The following ITGBL1 variants were observed in gnomAD, a reference collection of about 807,000 sequenced individuals.
ITGBL1 encodes integrin beta-like protein 1.
Under a neutral mutation model 68.5 loss-of-function variants are expected in ITGBL1, and 51 were observed. The observed-to-expected ratio is 0.74, with a 90% CI of 0.59 to 0.94. The LOEUF is 0.94. ITGBL1 is among the 40% of genes least tolerant of loss of function. ITGBL1 has a pLI of 0.00. For missense variants in ITGBL1, 649 were observed against 647.4 expected, an observed-to-expected ratio of 1.00 and a Z score of -0.03; for synonymous variants, 209 against 227.3, an observed-to-expected ratio of 0.92 and a Z score of 0.72.
chr13:101,503,590 C>T (rs1241895356), intron 2 of ITGBL1, among the ~76,000 whole-genome samples: 1 of 152,122 alleles, frequency 6.6e-6, no homozygotes, highest in South Asian at 2.1e-4. Context: ...CTAGTGGGCA[C>T]CCCTGAAATG....
At chr13:101,577,061 G>A (rs1442178672) in intron 4 of ITGBL1, among the ~76,000 whole-genome samples, 2 of 152,030 alleles carry the variant, frequency 1.3e-5, no homozygotes, top group African/African-American at 4.8e-5. Context: ...AATGTAACTT[G>A]AAACAACACA....
intron 2 of ITGBL1, among the ~76,000 whole-genome samples, chr13:101,471,170 T>C (rs772486121): frequency 3.8e-4 from 58 of 152,296 alleles, no homozygotes; most frequent in Middle Eastern, 3.4e-3. Flanking sequence ...GGGAGAATGC[T>C]GAGGAGATTG....
At chr13:101,539,174 G>T (rs181062411) in intron 2 of ITGBL1, among the ~76,000 whole-genome samples, 2 of 148,596 alleles carry the variant, frequency 1.3e-5, no homozygotes, top group African/African-American at 5.0e-5. Context: ...TTAGCATTAG[G>T]TATATCTCCT....
At chr13:101,558,280 T>G (rs1416662235) in intron 2 of ITGBL1, among the ~76,000 whole-genome samples, 1 of 151,750 alleles carries the variant, frequency 6.6e-6, no homozygotes, top group African/African-American at 2.4e-5. Context: ...CACAGGGACA[T>G]AAAGATAGAC....
intron 2 of ITGBL1, among the ~76,000 whole-genome samples, chr13:101,514,608 C>T (rs2049166684): frequency 1.3e-5 from 2 of 152,110 alleles, no homozygotes; most frequent in African/African-American, 2.4e-5. Flanking sequence ...CTATTAATAA[C>T]CGTATCTGTT....
intron 7 of ITGBL1, among the ~76,000 whole-genome samples, chr13:101,659,035 T>C (rs933545808): frequency 2.9e-5 from 4 of 136,216 alleles, no homozygotes; most frequent in Non-Finnish European, 6.2e-5. Flanking sequence ...AGAGTGGTGA[T>C]TGAATTTTTT....
At chr13:101,686,558 C>T (rs2196468) in intron 7 of ITGBL1, among the ~76,000 whole-genome samples, 111,444 of 151,906 alleles carry the variant, frequency 0.73, 41,051 homozygotes, top group Admixed American at 0.78. Flanking sequence ...AAAATGCTAT[C>T]CAAGAATACA....
chr13:101,716,013 G>C lies in ITGBL1; in HGVS notation c.*359G>C, dbSNP rs2139625899. 4.1e-6 allele frequency: 1 copy of C among 244,784 alleles called. No homozygotes were observed. Among genetic ancestry groups the C allele is most frequent in the Non-Finnish European group, 8.1e-6 (1 of 123,186 alleles). 15.2% of individuals were successfully genotyped at this position (244,784 alleles called of 1,614,324 possible). ...GTGGGTAGAGGCCAGGGATGCTGCT[G>C]AGCATCCCGCAGTGTACAGGACAGC... On this transcript the variant is annotated 3_prime_UTR_variant, in exon 11 of 11. Coordinates refer to ENST00000376180, the MANE Select transcript of ITGBL1 (RefSeq NM_004791.3).
chr13:101,692,761 T>C (rs1401356772), intron 8 of ITGBL1, 60 bp downstream of exon 8: 1 of 1,020,756 alleles, frequency 9.8e-7, no homozygotes, highest in Non-Finnish European at 1.6e-6. Context: ...CCTGCCTTTG[T>C]TATTCTACTG....
chr13:101,571,292 G>A (rs1227026028), intron 3 of ITGBL1, among the ~76,000 whole-genome samples: 1 of 152,030 alleles, frequency 6.6e-6, no homozygotes, highest in African/African-American at 2.4e-5. Context: ...ATTAGGATTT[G>A]CAGTCCACCC....
chr13:101,558,039 A>G (rs1007029456), intron 2 of ITGBL1, among the ~76,000 whole-genome samples: 1 of 133,928 alleles, frequency 7.5e-6, no homozygotes, highest in African/African-American at 2.8e-5. Context: ...CAGTGAGCCG[A>G]GATCGCGCCA....
chr13:101,604,588 G>A (rs1011054359), intron 7 of ITGBL1, among the ~76,000 whole-genome samples: 9 of 151,060 alleles, frequency 6.0e-5, no homozygotes, highest in Non-Finnish European at 8.9e-5. Context: ...TCAAGGTCAC[G>A]GACCCTTTCT....
At chr13:101,494,148 G>A (rs1312014154) in intron 2 of ITGBL1, among the ~76,000 whole-genome samples, 1 of 152,158 alleles carries the variant, frequency 6.6e-6, no homozygotes, top group Admixed American at 6.5e-5. Flanking sequence ...CAGCCAAAAA[G>A]CAAACAGGGG....
intron 8 of ITGBL1, 101 bp from the exon 9 acceptor site, chr13:101,706,655 G>A: frequency 8.4e-7 from 1 of 1,192,768 alleles, no homozygotes; most frequent in Non-Finnish European, 1.2e-6. Flanking sequence ...GTGTTGGATG[G>A]GAAATGAGAT....
intron 7 of ITGBL1, among the ~76,000 whole-genome samples, chr13:101,671,500 G>A (rs552870266): frequency 5.3e-5 from 7 of 131,718 alleles, no homozygotes; most frequent in Admixed American, 1.7e-4. Flanking sequence ...GTGCAGTGGC[G>A]TGATCTCGGC....
At chr13:101,527,594 A>T (rs1459891953) in intron 2 of ITGBL1, among the ~76,000 whole-genome samples, 2 of 132,882 alleles carry the variant, frequency 1.5e-5, no homozygotes, top group African/African-American at 5.7e-5. Context: ...AATACATTTA[A>T]TTTTAGAAGA....
chr13:101,528,681 A>G (rs1393228422), intron 2 of ITGBL1, among the ~76,000 whole-genome samples: 1 of 152,030 alleles, frequency 6.6e-6, no homozygotes, highest in Non-Finnish European at 1.5e-5. Context: ...CTGAATGTAT[A>G]TAATGAATGT....
chr13:101,687,627 A>G (rs1197270157), intron 7 of ITGBL1, among the ~76,000 whole-genome samples: 1 of 152,108 alleles, frequency 6.6e-6, no homozygotes, highest in Non-Finnish European at 1.5e-5. Flanking sequence ...TTTAAAATAT[A>G]ATTCATAAAA....
At position 101,542,753 on chromosome 13, in the gene ITGBL1, A is replaced by G. The variant is rs1241017664; in HGVS notation, c.317-24946A>G. ...ATCTGGGTGCTCCTGTATTGGGTGCATATATATTTAGGATAGTTAGCTCTT... is the reference window on the plus strand; with the variant it reads ...ATCTGGGTGCTCCTGTATTGGGTGCGTATATATTTAGGATAGTTAGCTCTT... On this transcript the variant is annotated intron_variant, in intron 2 of 10. Transcript: ENST00000376180. 3.3e-5 allele frequency among the ~76,000 whole-genome samples: 5 copies of G among 152,332 alleles called. No homozygotes were observed. The South Asian group carries it at 8.3e-4, about 25-fold the overall frequency.
Sources: allele counts gnomAD v4.1 joint callset (sites outside exome capture counted in the v4.1 genomes callset), GRCh38; gene constraint gnomAD v4.1.1; transcripts MANE v1.5; gene names NCBI Gene and HGNC (gene_info 2026-07-23, HGNC 2026-07-21).